The following TTC39C variants were observed in gnomAD, a reference collection of about 807,000 sequenced individuals.
The protein encoded by TTC39C is tetratricopeptide repeat protein 39C.
In TTC39C, 33 loss-of-function variants were observed where a neutral mutation model predicts 76.3. The observed-to-expected ratio is 0.43, with a 90% CI of 0.33 to 0.58. The LOEUF (loss-of-function observed/expected upper bound fraction) is 0.58, where lower values mean the gene tolerates loss of function less well. Ranked by LOEUF, TTC39C falls within the 20% of genes least tolerant of loss-of-function variation. TTC39C has a pLI of 0.04. For synonymous variants in TTC39C, 254 were observed against 260.6 expected, an observed-to-expected ratio of 0.97 and a Z score of 0.24; for missense variants, 595 against 701.4, an observed-to-expected ratio of 0.85 and a Z score of 1.71.
chr18:24,062,505 G>A lies in TTC39C; in HGVS notation c.168-1635G>A, dbSNP rs567584386. 8.5e-5 allele frequency among the ~76,000 whole-genome samples: 13 copies of A among 152,298 alleles called. 1 individual carries two copies. The South Asian group carries it at 2.7e-3, about 32-fold the overall frequency. On this transcript the variant is annotated intron_variant, in intron 1 of 13. Transcript: ENST00000317571. ...GCTGTGGAATGAGAAAAACTAATGTGTATTTTGAGGCAGATTGTGGGGATG... is the reference window on the plus strand; with the variant it reads ...GCTGTGGAATGAGAAAAACTAATGTATATTTTGAGGCAGATTGTGGGGATG...
intron 6 of TTC39C, among the ~76,000 whole-genome samples, chr18:24,087,472 T>C (rs1488852498): frequency 6.6e-6 from 1 of 152,224 alleles, no homozygotes; most frequent in East Asian, 1.9e-4. Context: ...TAATTTTTAA[T>C]ATTATTTACC....
chr18:24,091,861 G>A (rs567910584), intron 6 of TTC39C, among the ~76,000 whole-genome samples: 7 of 151,878 alleles, frequency 4.6e-5, no homozygotes, highest in African/African-American at 9.7e-5. Flanking sequence ...AAGCCAAGGC[G>A]GACAGATCAC....
upstream of TTC39C, among the ~76,000 whole-genome samples, chr18:24,014,257 C>G (rs1412608716): frequency 2.0e-5 from 3 of 152,250 alleles, no homozygotes; most frequent in Non-Finnish European, 4.4e-5. Context: ...TTCAGTTACT[C>G]GTGGACAAAG....
intron 1 of TTC39C, among the ~76,000 whole-genome samples, chr18:23,997,714 G>GAA (rs371784567): frequency 6.6e-6 from 1 of 150,390 alleles, no homozygotes; most frequent in Non-Finnish European, 1.5e-5. Context: ...AAGAAAGAAA[G>GAA]AAAGAAAGAA....
upstream of TTC39C, among the ~76,000 whole-genome samples, chr18:24,010,329 A>G (rs1031401033): frequency 6.6e-6 from 1 of 152,240 alleles, no homozygotes; most frequent in African/African-American, 2.4e-5. Context: ...ACTTGTTACA[A>G]GAGTTTGTTA....
intron 8 of TTC39C, among the ~76,000 whole-genome samples, chr18:24,121,797 C>T (rs2084971889): frequency 6.6e-6 from 1 of 152,184 alleles, no homozygotes; most frequent in Non-Finnish European, 1.5e-5. Flanking sequence ...TTGATTTACT[C>T]TGTGACCTTA....
intron 6 of TTC39C, among the ~76,000 whole-genome samples, chr18:24,105,425 T>A (rs1208726117): frequency 6.6e-6 from 1 of 152,236 alleles, no homozygotes; most frequent in Non-Finnish European, 1.5e-5. Flanking sequence ...ATTACTGTTA[T>A]AATTTGCCAA....
chr18:24,134,257 G>GTTGTTTTTTTTTTT lies in TTC39C; in HGVS notation c.*1685_*1686insGTTTTTTTTTTTTT, dbSNP rs1555779358. 6.4e-4 allele frequency: 31 copies of GTTGTTTTTTTTTTT among 48,722 alleles called. 5 individuals carry two copies. The highest frequency in any genetic ancestry group is 1.7e-3 in the African/African-American group (29 of 16,744). 3.0% of individuals were successfully genotyped at this position (48,722 alleles called of 1,614,324 possible). ...TGGTGCCCAAAAATATTGGACATCT[G>GTTGTTTTTTTTTTT]TTTTTTGTTTTTTTTTTTTTTTTTT... On this transcript the variant is annotated 3_prime_UTR_variant, in exon 14 of 14. Transcript: ENST00000317571.
chr18:24,019,867 T>C (rs1349054892), intron 1 of TTC39C: 1 of 1,527,054 alleles, frequency 6.5e-7, no homozygotes, highest in Admixed American at 2.1e-5. Context: ...CAGAAAAAGT[T>C]TTTTGACTTC....
At chr18:24,011,894 A>G (rs2083396302), upstream of TTC39C, among the ~76,000 whole-genome samples, 1 of 152,142 alleles carries the variant, frequency 6.6e-6, no homozygotes, top group Admixed American at 6.5e-5. Flanking sequence ...TGAAGACTGC[A>G]TTAGTTTTGC....
At chr18:24,025,731 G>A (rs554601611) in intron 1 of TTC39C, among the ~76,000 whole-genome samples, 1 of 152,220 alleles carries the variant, frequency 6.6e-6, no homozygotes, top group African/African-American at 2.4e-5. Flanking sequence ...ATTGAGAGGC[G>A]CTGAGCTTGG....
chr18:24,053,519 T>C (rs1599277936), intron 1 of TTC39C, among the ~76,000 whole-genome samples: 1 of 152,348 alleles, frequency 6.6e-6, no homozygotes, highest in South Asian at 2.1e-4. Flanking sequence ...TGAATTAAGG[T>C]TGAGGCCTCC....
chr18:24,119,143 C>G (rs965809759), intron 8 of TTC39C, among the ~76,000 whole-genome samples: 2 of 151,860 alleles, frequency 1.3e-5, no homozygotes, highest in South Asian at 4.1e-4. Flanking sequence ...TTTTTTTGCC[C>G]ATGTATGAGG....
At chr18:24,092,092 CAAAA>C (rs74171390) in intron 6 of TTC39C, among the ~76,000 whole-genome samples, 1 of 67,592 alleles carries the variant, frequency 1.5e-5, no homozygotes, top group Non-Finnish European at 2.6e-5. Context: ...GACTCAGTCT[CAAAA>C]AAAAAAAAAA....
At chr18:24,051,096 C>T (rs1349012105) in intron 1 of TTC39C, among the ~76,000 whole-genome samples, 1 of 152,072 alleles carries the variant, frequency 6.6e-6, no homozygotes. Flanking sequence ...GAGAGCGGCT[C>T]ATTAATGATC....
intron 1 of TTC39C, chr18:24,015,426 G>T (rs1472644381): frequency 5.8e-6 from 1 of 173,508 alleles, no homozygotes; most frequent in African/African-American, 2.4e-5. Flanking sequence ...CGGGCTTGTC[G>T]TGACTCTGGC....
chr18:24,132,432 C>A, intron 13 of TTC39C, 53 bp from the exon 14 acceptor site: 1 of 1,503,942 alleles, frequency 6.6e-7, no homozygotes, highest in Non-Finnish European at 9.2e-7. Flanking sequence ...ACCACAGTAC[C>A]CTGTGCAAGC....
At chr18:24,075,105 A>G (rs1478188551) in intron 4 of TTC39C, among the ~76,000 whole-genome samples, 1 of 151,906 alleles carries the variant, frequency 6.6e-6, no homozygotes, top group East Asian at 1.9e-4. Context: ...AACAATGAGA[A>G]CACTTGGACA....
intron 1 of TTC39C, among the ~76,000 whole-genome samples, chr18:24,037,468 C>T (rs2083745699): frequency 6.6e-6 from 1 of 152,110 alleles, no homozygotes; most frequent in Non-Finnish European, 1.5e-5. Flanking sequence ...ATTCTGGGTT[C>T]CCACCATTTG....
Sources: allele counts gnomAD v4.1 joint callset (sites outside exome capture counted in the v4.1 genomes callset), GRCh38; gene constraint gnomAD v4.1.1; transcripts MANE v1.5; gene names NCBI Gene and HGNC (gene_info 2026-07-23, HGNC 2026-07-21).